The following SEC14L5 variants were observed in gnomAD, a reference collection of about 807,000 sequenced individuals.
The protein encoded by SEC14L5 is SEC14-like protein 5.
SEC14L5 carries 96 observed loss-of-function variants against 84.6 expected under a neutral mutation model. The ratio of observed to expected loss-of-function variants is 1.13; its 90% CI spans 0.96 to 1.34. The LOEUF (loss-of-function observed/expected upper bound fraction) is 1.34, where lower values mean the gene tolerates loss of function less well. Among genes scored for constraint, SEC14L5 ranks in the 40% most tolerant of loss-of-function variants. SEC14L5 has a pLI of 0.00. For missense variants in SEC14L5, 1,224 were observed against 942.5 expected (o/e 1.30, Z -3.91); for synonymous variants, 546 against 383.4 (o/e 1.42, Z -4.95).
At chr16:4,994,276 TG>T (rs1304932020) in intron 6 of SEC14L5, among the ~76,000 whole-genome samples, 1 of 152,202 alleles carries the variant, frequency 6.6e-6, no homozygotes, top group East Asian at 1.9e-4. Flanking sequence ...CTGACACACT[TG>T]GGTGGCAGTG....
At chr16:4,974,618 A>G (rs1056519874) in intron 2 of SEC14L5, among the ~76,000 whole-genome samples, 2 of 151,358 alleles carry the variant, frequency 1.3e-5, no homozygotes, top group Non-Finnish European at 1.5e-5. Context: ...TTTTTTTAAC[A>G]TGGATAAGGT....
intron 8 of SEC14L5, among the ~76,000 whole-genome samples, chr16:4,998,193 A>G (rs1955633417): frequency 6.6e-6 from 1 of 151,260 alleles, no homozygotes; most frequent in South Asian, 2.1e-4. Flanking sequence ...TTTAGTAGAG[A>G]TGGGGTTTCA....
In SEC14L5 at chr16:4,996,962, G is replaced by C. The variant is rs534092870; in HGVS notation, c.888G>C (p.Gln296His). Residue 296 changes from glutamine (Q) to histidine (H), a missense_variant, in exon 8 of 16, where the codon CAG (glutamine) becomes CAC (histidine). Gln to His is a conservative substitution (Grantham distance 24). Transcript: ENST00000251170. ...RQSLSWRKQH[Q>H]VDLLLQTWQP... is the part of the protein sequence containing the mutation. ...CCTTGAGCTGGCGCAAGCAGCACCAGGTGGATCTCCTCCTTCAGACCTGGC... is the reference window on the plus strand; with the variant it reads ...CCTTGAGCTGGCGCAAGCAGCACCACGTGGATCTCCTCCTTCAGACCTGGC... 5 of 1,613,720 alleles carry C rather than the reference G, an allele frequency of 3.1e-6. No individual in the cohort carries two copies. Among genetic ancestry groups the C allele is most frequent in the Non-Finnish European group, 4.2e-6 (5 of 1,179,758 alleles).
At chr16:5,004,524 C>A (rs573638773) in intron 11 of SEC14L5, among the ~76,000 whole-genome samples, 1 of 152,058 alleles carries the variant, frequency 6.6e-6, no homozygotes, top group Non-Finnish European at 1.5e-5. Context: ...TGCAGTAAGC[C>A]TGGCCACCCC....
chr16:4,997,058 C>T lies in SEC14L5; in HGVS notation c.970+14C>T, dbSNP rs770886500. The stretch of plus-strand genomic sequence containing the variant: ...ACCAGGACATAGGTGCGTGCCTCCA[C>T]CCACATCATGTATAGGGCATACTTT... On this transcript the variant is annotated intron_variant, in intron 8 of 15. Coordinates refer to ENST00000251170, the MANE Select transcript of SEC14L5 (RefSeq NM_014692.2). 1.9e-6 allele frequency: 3 copies of T among 1,589,096 alleles called. No homozygotes were observed. Among genetic ancestry groups the T allele is most frequent in the South Asian group, 2.3e-5 (2 of 87,984 alleles).
intron 6 of SEC14L5, among the ~76,000 whole-genome samples, chr16:4,992,917 C>A (rs1955567257): frequency 6.6e-6 from 1 of 152,090 alleles, no homozygotes; most frequent in Non-Finnish European, 1.5e-5. Flanking sequence ...CATATACATT[C>A]CATTTGATAT....
chr16:4,960,917 A>G (rs921353132), intron 2 of SEC14L5, among the ~76,000 whole-genome samples: 1 of 152,144 alleles, frequency 6.6e-6, no homozygotes, highest in Admixed American at 6.6e-5. Context: ...AGGGACGTGA[A>G]TTCAGATGCT....
At chr16:4,975,731 T>A (rs1246734597) in intron 2 of SEC14L5, among the ~76,000 whole-genome samples, 1 of 152,128 alleles carries the variant, frequency 6.6e-6, no homozygotes, top group Non-Finnish European at 1.5e-5. Context: ...GTGAGTAGAT[T>A]GATATCACAT....
In SEC14L5 at chr16:5,015,897, G is replaced by A. The variant is rs1328883892; in HGVS notation, c.*927G>A. The A allele has an allele frequency of 1.3e-5, 2 of 152,300 alleles. No individual in the cohort carries two copies. The highest frequency in any genetic ancestry group is 2.9e-5 in the Non-Finnish European group (2 of 68,110). The allele number at this position is 152,300 out of a possible 1,614,324, so 9.4% of individuals were successfully genotyped here. ...GATTGGAGAGGGTGGGAGAGCCCTG[G>A]GTTTCTGCTAAGTTCCAGGCAGTGA... is the stretch of plus-strand genomic sequence containing the variant. On this transcript the variant is annotated 3_prime_UTR_variant, in exon 16 of 16. Coordinates refer to ENST00000251170, the MANE Select transcript of SEC14L5 (RefSeq NM_014692.2).
chr16:5,012,093 A>G (rs1955811847), intron 15 of SEC14L5, among the ~76,000 whole-genome samples: 1 of 152,222 alleles, frequency 6.6e-6, no homozygotes, highest in Middle Eastern at 3.2e-3. Context: ...CAAGGATCCC[A>G]GGAGCATGGG....
At chr16:4,986,744 A>T (rs1001444933) in intron 2 of SEC14L5, among the ~76,000 whole-genome samples, 21 of 152,144 alleles carry the variant, frequency 1.4e-4, no homozygotes, top group African/African-American at 4.6e-4. Context: ...TACATTTTAC[A>T]CTTCTTTTTG....
chr16:4,994,583 A>T (rs541041940), intron 6 of SEC14L5, among the ~76,000 whole-genome samples: 140 of 152,156 alleles, frequency 9.2e-4, no homozygotes, highest in Non-Finnish European at 1.7e-3. Context: ...ACCTCAAGTT[A>T]TCCTCCTGCC....
intron 11 of SEC14L5, among the ~76,000 whole-genome samples, chr16:5,005,139 C>T (rs984681997): frequency 6.6e-6 from 1 of 151,996 alleles, no homozygotes; most frequent in African/African-American, 2.4e-5. Context: ...GGTGAAAATA[C>T]AAAAGTACAA....
At chr16:4,978,000 C>T (rs975347922) in intron 2 of SEC14L5, among the ~76,000 whole-genome samples, 4 of 149,212 alleles carry the variant, frequency 2.7e-5, no homozygotes, top group Non-Finnish European at 5.9e-5. Context: ...CAGGGTTTCA[C>T]TATGTTGTCC....
At chr16:4,994,599 C>G (rs1435924726) in intron 6 of SEC14L5, among the ~76,000 whole-genome samples, 1 of 152,168 alleles carries the variant, frequency 6.6e-6, no homozygotes, top group Non-Finnish European at 1.5e-5. Flanking sequence ...CTGCCTTGGT[C>G]TCCCAAAGTG....
chr16:4,990,646 C>A, intron 4 of SEC14L5, 121 bp from the exon 5 acceptor site: 1 of 985,712 alleles, frequency 1.0e-6, no homozygotes, highest in Non-Finnish European at 1.4e-6. Flanking sequence ...TCCAGGGTTG[C>A]CAGGCTTGAT....
In SEC14L5 at chr16:5,014,907, C is replaced by T. The variant is rs1460555101; in HGVS notation, c.2028C>T (p.Leu676=). 1.2e-6 allele frequency: 2 copies of T among 1,613,480 alleles called. No individual in the cohort carries two copies. The highest frequency in any genetic ancestry group is 2.7e-5 in the African/African-American group (2 of 74,954). Residue 676 remains leucine (L), a synonymous_variant, in exon 16 of 16, where the codon CTC becomes CTT. Transcript: ENST00000251170. Reference sequence around the variant, plus strand: ...CCTGCACCAGCGGCTTCTCCCAGCTCAGCGCCGCCACCTCGTCCTCCTCCT... The same window carrying T: ...CCTGCACCAGCGGCTTCTCCCAGCTTAGCGCCGCCACCTCGTCCTCCTCCT... ...LESCTSGFSQ[L]SAATSSSSSG... is the part of the protein sequence containing the mutation.
intron 8 of SEC14L5, among the ~76,000 whole-genome samples, chr16:4,998,926 C>G (rs2142516141): frequency 6.6e-6 from 1 of 152,202 alleles, no homozygotes; most frequent in East Asian, 1.9e-4. Flanking sequence ...TCAGTATTCA[C>G]AGAACTTTTT....
rs374887840 is a variant in SEC14L5, at chr16:5,014,840, C to T, written c.1980-19C>T. 110 of 1,597,746 alleles carry T rather than the reference C, an allele frequency of 6.9e-5. No homozygotes were observed. Among genetic ancestry groups the T allele is most frequent in the Non-Finnish European group, 8.7e-5 (102 of 1,165,974 alleles). ...TGTCACTGTGAGAGGGTAACGTGTG[C>T]CACGCCCTTCCTCCCCAGGGGCTCC... is the stretch of plus-strand genomic sequence containing the variant. On this transcript the variant is annotated intron_variant, in intron 15 of 15. Coordinates refer to ENST00000251170, the MANE Select transcript of SEC14L5 (RefSeq NM_014692.2).
Sources: gnomAD v4.1 joint callset for allele counts (sites outside exome capture counted in the v4.1 genomes callset) on GRCh38, gnomAD v4.1.1 for gene constraint, MANE v1.5 for transcripts, NCBI Gene and HGNC (gene_info 2026-07-23, HGNC 2026-07-21) for gene names.